SVIL: variants seen among roughly 807,000 people sequenced by gnomAD.
SVIL encodes supervillin, also known as archvillin.
A neutral mutation model predicts 240.4 loss-of-function variants in SVIL; 101 were observed. The ratio of observed to expected loss-of-function variants is 0.42; its 90% CI spans 0.36 to 0.50. SVIL has a LOEUF of 0.50. Among genes scored for constraint, SVIL ranks in the 20% least tolerant of loss-of-function variants. The pLI is 0.01. For missense variants in SVIL, 2,512 were observed against 2,818.7 expected (o/e 0.89, Z 2.46); for synonymous variants, 999 against 1,100.0 (o/e 0.91, Z 1.82).
At chr10:29,655,627 C>G (rs1473934324) in intron 3 of SVIL, among the ~76,000 whole-genome samples, 1 of 152,182 alleles carries the variant, frequency 6.6e-6, no homozygotes, top group African/African-American at 2.4e-5. Flanking sequence ...TACCAGGCAT[C>G]TAAGCCTCCC....
chr10:29,668,984 T>C (rs1213465936), intron 2 of SVIL, among the ~76,000 whole-genome samples: 1 of 152,172 alleles, frequency 6.6e-6, no homozygotes, highest in Non-Finnish European at 1.5e-5. Flanking sequence ...GCACTATAGG[T>C]ACAATGATAA....
At chr10:29,690,686 G>C (rs1961432502) in intron 1 of SVIL, among the ~76,000 whole-genome samples, 2 of 151,886 alleles carry the variant, frequency 1.3e-5, no homozygotes, top group African/African-American at 2.4e-5. Context: ...TTTTAAAAAA[G>C]GTGAAAGCAT....
intron 2 of SVIL, among the ~76,000 whole-genome samples, chr10:29,684,453 G>T (rs1960904219): frequency 2.0e-5 from 3 of 152,104 alleles, no homozygotes; most frequent in African/African-American, 4.8e-5. Flanking sequence ...GGGGGGTGGG[G>T]GCTTACAGGT....
At chr10:29,617,804 T>C (rs1360106888) in intron 1 of SVIL, among the ~76,000 whole-genome samples, 1 of 152,182 alleles carries the variant, frequency 6.6e-6, no homozygotes, top group Non-Finnish European at 1.5e-5. Context: ...TTAGTTTCAG[T>C]GTGGCTCTCT....
intron 1 of SVIL, among the ~76,000 whole-genome samples, chr10:29,714,948 T>TAAAAAAAAAAAAAAAAAAAGAAAAAAAAA (rs1963527936): frequency 1.3e-5 from 1 of 78,474 alleles, no homozygotes; most frequent in South Asian, 4.7e-4. Context: ...TGTCTGAAAT[T>TAAAAAAAAAAAAAAAAAAAGAAAAAAAAA]AAAAAAAAAA....
rs143086015 is a variant in SVIL at position 29,524,013 on chromosome 10, C to T, written c.2601G>A (p.Lys867=). The T allele has an allele frequency of 1.4e-3, 2,207 of 1,609,214 alleles. 1 individual carries two copies. Among genetic ancestry groups the T allele is most frequent in the Admixed American group, 2.0e-3 (121 of 59,464 alleles). ...LGEVEQVQSG[K]LIPFSPAVNT... is the part of the protein sequence containing the mutation. Reference sequence around the variant, plus strand: ...TCACGGCAGGTGAGAAAGGAATGAGCTTTCCACTCTGCACCTGGAAGGACA... The same window carrying T: ...TCACGGCAGGTGAGAAAGGAATGAGTTTTCCACTCTGCACCTGGAAGGACA... The change falls in exon 15 of 38, where the codon AAG becomes AAA. Residue 867 remains lysine (K), a synonymous_variant. Transcript: ENST00000355867.
chr10:29,532,657 C>G lies in SVIL; in HGVS notation c.1710G>C (p.Glu570Asp). Reference sequence around the variant, plus strand: ...CGGTCTTGGAGCTGGGCAGCTCCAGCTCTCTCCTGGAAGCTGGGTCCTTAT... The same window carrying G: ...CGGTCTTGGAGCTGGGCAGCTCCAGGTCTCTCCTGGAAGCTGGGTCCTTAT... ...LKYKDPASRR[E>D]LELPSSKTEG... Residue 570 changes from glutamate to aspartate, a missense_variant, in exon 8 of 38, where the codon GAG (glutamate) becomes GAC (aspartate). Around this residue, in one of 3 missense-constraint regions of SVIL, gnomAD observed 1,443 missense variants for 1,486.6 expected, o/e 0.97. Coordinates refer to ENST00000355867, the MANE Select transcript of SVIL (RefSeq NM_021738.3). The G allele has an allele frequency of 6.2e-7, 1 of 1,614,208 alleles. No individual in the cohort carries two copies. The highest frequency in any genetic ancestry group is 2.2e-5 in the East Asian group (1 of 44,860).
intron 3 of SVIL, among the ~76,000 whole-genome samples, chr10:29,655,597 C>T (rs1958974810): frequency 6.6e-6 from 1 of 152,200 alleles, no homozygotes; most frequent in Non-Finnish European, 1.5e-5. Flanking sequence ...CCCTCAGAGA[C>T]ACACCCAGAA....
intron 1 of SVIL, among the ~76,000 whole-genome samples, chr10:29,724,735 T>C (rs982504186): frequency 2.6e-5 from 4 of 152,114 alleles, no homozygotes; most frequent in East Asian, 3.9e-4. Flanking sequence ...TAAAAACTGA[T>C]GAGCAGCTGG....
intron 1 of SVIL, among the ~76,000 whole-genome samples, chr10:29,729,011 A>G (rs562664195): frequency 6.6e-6 from 1 of 152,266 alleles, no homozygotes; most frequent in Non-Finnish European, 1.5e-5. Flanking sequence ...AGGAGGAGAA[A>G]GCTGCCAAAG....
In SVIL at chr10:29,533,015, T is replaced by C; in HGVS notation, c.1352A>G (p.Gln451Arg). 1 of 1,614,188 alleles carries C rather than the reference T, an allele frequency of 6.2e-7. No homozygotes were observed. The change falls in exon 8 of 38, where the codon CAA becomes CGA. Residue 451 changes from glutamine to arginine, a missense_variant. Around this residue, in one of 3 missense-constraint regions of SVIL, gnomAD observed 1,443 missense variants for 1,486.6 expected, o/e 0.97. Coordinates refer to ENST00000355867, the MANE Select transcript of SVIL (RefSeq NM_021738.3). Reference sequence around the variant, plus strand: ...CAAAGCCAGTAGGGTTTTCTTGCTTTGCTCGAGAGCTTCAGTGAAGCACAC... The same window carrying C: ...CAAAGCCAGTAGGGTTTTCTTGCTTCGCTCGAGAGCTTCAGTGAAGCACAC... ...EDVCFTEALE[Q>R]SKKTLLALEG...
At chr10:29,551,534 T>C (rs1370684394) in intron 5 of SVIL, among the ~76,000 whole-genome samples, 1 of 152,188 alleles carries the variant, frequency 6.6e-6, no homozygotes, top group Non-Finnish European at 1.5e-5. Context: ...GCCCCTTCAC[T>C]CCCCAGAGCG....
Position 29,533,057 on chromosome 10 carries a change from TCTC to T in SVIL, c.1307_1309del (p.Gly436del). ...GAAGCACACATCTTCTTCTTTTTCT[TCTC>T]CTTCTCCTTCCCCTTCTTCTTCTTC... On this transcript the variant is annotated inframe_deletion, in exon 8 of 38. Coordinates refer to ENST00000355867, the MANE Select transcript of SVIL (RefSeq NM_021738.3). 2 of 1,614,022 alleles carry T rather than the reference TCTC, an allele frequency of 1.2e-6. No individual in the cohort carries two copies. The highest frequency in any genetic ancestry group is 4.5e-5 in the East Asian group (2 of 44,882).
chr10:29,588,661 C>T (rs1390025521), intron 1 of SVIL, among the ~76,000 whole-genome samples: 2 of 152,246 alleles, frequency 1.3e-5, no homozygotes, highest in Non-Finnish European at 2.9e-5. Flanking sequence ...GAACCCCAAA[C>T]TCACTATGCC....
At chr10:29,588,279 C>A (rs1956249717) in intron 1 of SVIL, among the ~76,000 whole-genome samples, 1 of 151,694 alleles carries the variant, frequency 6.6e-6, no homozygotes, top group South Asian at 2.1e-4. Context: ...AGTTTAGAGT[C>A]CTGTGCCTAG....
At chr10:29,524,164 G>T in intron 14 of SVIL, 137 bp from the exon 15 acceptor site, 1 of 1,004,110 alleles carries the variant, frequency 1.0e-6, no homozygotes, top group Non-Finnish European at 1.4e-6. Context: ...AACCATTCCT[G>T]GACATAGTTA....
intron 1 of SVIL, among the ~76,000 whole-genome samples, chr10:29,572,763 C>CAAAAAAAAAAAAAAA (rs375180538): frequency 2.7e-4 from 22 of 81,108 alleles, no homozygotes; most frequent in East Asian, 3.8e-4. Context: ...GATCCTATCT[C>CAAAAAAAAAAAAAAA]AAAAAAAAAA....
intron 1 of SVIL, among the ~76,000 whole-genome samples, chr10:29,707,266 C>A (rs1180818886): frequency 6.6e-6 from 1 of 152,102 alleles, no homozygotes; most frequent in Non-Finnish European, 1.5e-5. Context: ...TCTTCTTATC[C>A]ATGAGGATGG....
chr10:29,668,003 A>G (rs1959461498), intron 2 of SVIL, among the ~76,000 whole-genome samples: 1 of 152,220 alleles, frequency 6.6e-6, no homozygotes. Flanking sequence ...GTCATCTTCT[A>G]CAAGGTTCTA....
Sources: allele counts gnomAD v4.1 joint callset (sites outside exome capture counted in the v4.1 genomes callset), GRCh38; gene constraint gnomAD v4.1.1; regional missense constraint gnomAD v4.1.1; transcripts MANE v1.5; gene names NCBI Gene and HGNC (gene_info 2026-07-23, HGNC 2026-07-21).